Variants in RBMS3 observed in about 807,000 individuals in gnomAD.
RBMS3 encodes RNA binding motif single stranded interacting protein 3.
Under a neutral mutation model 66.8 loss-of-function variants are expected in RBMS3, and 27 were observed. That is an observed-to-expected ratio of 0.40 (90% CI 0.30 to 0.56). The LOEUF is 0.56. Ranked by LOEUF, RBMS3 falls within the 20% of genes least tolerant of loss-of-function variation. RBMS3 has a pLI of 0.40. For missense variants in RBMS3, 513 were observed against 549.5 expected, an observed-to-expected ratio of 0.93 and a Z score of 0.66; for synonymous variants, 188 against 183.0, an observed-to-expected ratio of 1.03 and a Z score of -0.22.
intron 4 of RBMS3, among the ~76,000 whole-genome samples, chr3:29,647,246 T>C (rs1451906894): frequency 6.6e-6 from 1 of 152,234 alleles, no homozygotes; most frequent in African/African-American, 2.4e-5. Flanking sequence ...CCCAAAGTGC[T>C]GGGATTACAG....
chr3:29,545,969 A>C (rs939158098), intron 3 of RBMS3, among the ~76,000 whole-genome samples: 1 of 151,720 alleles, frequency 6.6e-6, no homozygotes, highest in Admixed American at 6.6e-5. Flanking sequence ...AACATTTGTA[A>C]TGTTAGTTTT....
intron 3 of RBMS3, among the ~76,000 whole-genome samples, chr3:29,564,740 G>A (rs1002391047): frequency 2.0e-5 from 3 of 152,112 alleles, no homozygotes; most frequent in South Asian, 4.1e-4. Flanking sequence ...CGTGGGAGAA[G>A]AGTTGGAATA....
intron 6 of RBMS3, among the ~76,000 whole-genome samples, chr3:29,839,492 G>C (rs1209295819): frequency 6.6e-6 from 1 of 151,856 alleles, no homozygotes; most frequent in East Asian, 1.9e-4. Context: ...CTCTTAAGAA[G>C]TTTCATAGAG....
At chr3:29,427,687 C>T (rs1559352625) in intron 1 of RBMS3, among the ~76,000 whole-genome samples, 1 of 152,106 alleles carries the variant, frequency 6.6e-6, no homozygotes, top group East Asian at 1.9e-4. Context: ...GGGCTTTACC[C>T]TTGAGTGGAT....
chr3:29,915,503 A>G (rs1029275315), intron 10 of RBMS3, among the ~76,000 whole-genome samples: 7 of 151,948 alleles, frequency 4.6e-5, no homozygotes, highest in African/African-American at 1.7e-4. Flanking sequence ...TTGACATTTT[A>G]AAGAGCAGAA....
chr3:29,449,896 G>A (rs981986089), intron 2 of RBMS3, among the ~76,000 whole-genome samples: 1 of 152,104 alleles, frequency 6.6e-6, no homozygotes, highest in African/African-American at 2.4e-5. Context: ...ACATTACATG[G>A]GGGTCAGTTT....
chr3:29,882,021 T>C (rs1178637191), intron 7 of RBMS3, among the ~76,000 whole-genome samples: 1 of 152,146 alleles, frequency 6.6e-6, no homozygotes, highest in Non-Finnish European at 1.5e-5. Flanking sequence ...ATATCTCGAT[T>C]GAATGTAAAG....
intron 3 of RBMS3, among the ~76,000 whole-genome samples, chr3:29,543,689 G>A (rs1486636744): frequency 6.6e-6 from 1 of 152,170 alleles, no homozygotes; most frequent in Non-Finnish European, 1.5e-5. Flanking sequence ...CAGCCTGGGT[G>A]ACAGAGAGAG....
intron 4 of RBMS3, among the ~76,000 whole-genome samples, chr3:29,621,880 A>G (rs2048878431): frequency 6.6e-6 from 1 of 152,216 alleles, no homozygotes; most frequent in Admixed American, 6.5e-5. Context: ...ATTAGCTCCA[A>G]TCTTCAATTT....
At chr3:29,312,076 G>C (rs952984907) in intron 1 of RBMS3, among the ~76,000 whole-genome samples, 2 of 151,888 alleles carry the variant, frequency 1.3e-5, no homozygotes, top group African/African-American at 4.8e-5. Context: ...CCTAACGCTG[G>C]TTAGTATACT....
At chr3:29,980,222 C>T (rs1251302939) in intron 12 of RBMS3, among the ~76,000 whole-genome samples, 1 of 152,092 alleles carries the variant, frequency 6.6e-6, no homozygotes. Flanking sequence ...TTGTTGGCCA[C>T]ACAAATGTCT....
At chr3:29,813,653 C>T (rs34832960) in intron 6 of RBMS3, among the ~76,000 whole-genome samples, 3 of 151,678 alleles carry the variant, frequency 2.0e-5, no homozygotes, top group East Asian at 1.9e-4. Flanking sequence ...TCTTTTTTTT[C>T]GTTGAGCCGT....
At chr3:29,728,206 G>C (rs2053968077) in intron 4 of RBMS3, among the ~76,000 whole-genome samples, 1 of 151,878 alleles carries the variant, frequency 6.6e-6, no homozygotes, top group Non-Finnish European at 1.5e-5. Context: ...GGGGCCTGTT[G>C]GGGCAGGGGG....
At chr3:29,385,593 T>A (rs1239464616) in intron 1 of RBMS3, among the ~76,000 whole-genome samples, 1 of 152,176 alleles carries the variant, frequency 6.6e-6, no homozygotes, top group African/African-American at 2.4e-5. Context: ...TCTATGAGTC[T>A]CGTGGGTCTT....
chr3:29,368,738 T>C (rs1228027868), intron 1 of RBMS3, among the ~76,000 whole-genome samples: 1 of 152,158 alleles, frequency 6.6e-6, no homozygotes, highest in African/African-American at 2.4e-5. Flanking sequence ...TGTAGATTAG[T>C]TCAATCATTG....
rs111291062 is a variant in RBMS3 at position 29,421,911 on chromosome 3, A to G, written c.76-12832A>G. 6.2e-4 allele frequency among the ~76,000 whole-genome samples: 94 copies of G among 152,332 alleles called. 2 individuals carry two copies. The highest frequency in any genetic ancestry group is 2.2e-3 in the African/African-American group (91 of 41,584). ...TGGCTAGATCAGTCAACAAACCAATATACCTGTTAACCAAAAGAACGTTAC... is the reference window on the plus strand; with the variant it reads ...TGGCTAGATCAGTCAACAAACCAATGTACCTGTTAACCAAAAGAACGTTAC... On this transcript the variant is annotated intron_variant, in intron 1 of 14. Transcript: ENST00000383767.
chr3:29,995,362 T>C (rs1160754483), intron 14 of RBMS3, among the ~76,000 whole-genome samples: 3 of 152,202 alleles, frequency 2.0e-5, no homozygotes, highest in Non-Finnish European at 4.4e-5. Flanking sequence ...CCAGGAGAAC[T>C]TCCCCCATCT....
At chr3:29,352,377 T>C (rs11917483) in intron 1 of RBMS3, among the ~76,000 whole-genome samples, 49,800 of 151,938 alleles carry the variant, frequency 0.33, 8,234 homozygotes, top group Admixed American at 0.37. Context: ...TAAAATATTT[T>C]ATGGTATGTG....
intron 5 of RBMS3, 134 bp from the exon 6 acceptor site, chr3:29,762,775 GT>G (rs1343179708): frequency 1.5e-6 from 1 of 655,856 alleles, no homozygotes; most frequent in African/African-American, 1.9e-5. Flanking sequence ...TGGTCATCAT[GT>G]TCATGAAAAA....
Sources: allele counts gnomAD v4.1 joint callset (sites outside exome capture counted in the v4.1 genomes callset), GRCh38; gene constraint gnomAD v4.1.1; transcripts MANE v1.5; gene names NCBI Gene and HGNC (gene_info 2026-07-23, HGNC 2026-07-21).